The following CACNA1C variants were observed in gnomAD, a reference collection of about 807,000 sequenced individuals.
The protein encoded by CACNA1C is voltage-dependent L-type calcium channel subunit alpha-1C.
In CACNA1C, 30 loss-of-function variants were observed where a neutral mutation model predicts 229.0. That is an observed-to-expected ratio of 0.13 (90% confidence interval 0.10 to 0.18). The LOEUF (loss-of-function observed/expected upper bound fraction) is 0.18, where lower values mean the gene tolerates loss of function less well. CACNA1C is among the 10% of genes least tolerant of loss of function. The pLI is 1.00. For synonymous variants in CACNA1C, 1,114 were observed against 1,132.5 expected (o/e 0.98, Z 0.33); for missense variants, 1,658 against 2,845.0 (o/e 0.58, Z 9.49).
At chr12:2,229,779 C>T (rs986840127) in intron 3 of CACNA1C, among the ~76,000 whole-genome samples, 5 of 152,088 alleles carry the variant, frequency 3.3e-5, no homozygotes, top group Admixed American at 1.3e-4. Context: ...GGCTCAAGGG[C>T]GAGGGAGCGG....
chr12:2,458,912 A>C (rs2099467815), intron 5 of CACNA1C, among the ~76,000 whole-genome samples: 1 of 152,016 alleles, frequency 6.6e-6, no homozygotes, highest in African/African-American at 2.4e-5. Flanking sequence ...CTTTCCTGCC[A>C]TACAGCACTG....
Position 2,246,332 on chromosome 12 carries a change from G to C in CACNA1C, c.477+125902G>C, listed in dbSNP as rs2073203981. Among the ~76,000 whole-genome samples the C allele has an allele frequency of 1.3e-5, 2 of 152,300 alleles. 1 individual carries two copies. The highest frequency in any genetic ancestry group is 6.8e-3 in the Middle Eastern group (2 of 294). The stretch of plus-strand genomic sequence containing the variant: ...CCCAATTCTGTAGATCGGGGGCCGA[G>C]GCTGAATTCTGAGCAGGAAAGTAAT... On this transcript the variant is annotated intron_variant, in intron 3 of 46. Coordinates refer to ENST00000399655, the MANE Select transcript of CACNA1C (RefSeq NM_000719.7).
rs529546365 is a variant in CACNA1C, at chr12:2,354,995, G to A, written c.478-93981G>A. The stretch of plus-strand genomic sequence containing the variant: ...TGCAGGTGTGAGGATGGGTCTGGGT[G>A]TGGGGTGGGGTGGAGGGCTGAAGAA... On this transcript the variant is annotated intron_variant, in intron 3 of 46. Coordinates refer to ENST00000399655, the MANE Select transcript of CACNA1C (RefSeq NM_000719.7). The surrounding 1 kb of genome is among the most constrained non-coding windows in gnomAD (Gnocchi z 4.6). Among the ~76,000 whole-genome samples, 22 of 152,216 alleles carry A rather than the reference G, an allele frequency of 1.4e-4. No homozygotes were observed. Among genetic ancestry groups the A allele is most frequent in the Admixed American group, 2.0e-4 (3 of 15,298 alleles).
intron 3 of CACNA1C, among the ~76,000 whole-genome samples, chr12:2,211,822 G>A (rs1327338925): frequency 1.3e-5 from 2 of 149,810 alleles, no homozygotes; most frequent in Non-Finnish European, 3.0e-5. Flanking sequence ...AGGTTCAAGC[G>A]ATTCTCCTGC....
chr12:2,563,137 C>A (rs1250634529), intron 11 of CACNA1C, among the ~76,000 whole-genome samples: 1 of 152,216 alleles, frequency 6.6e-6, no homozygotes, highest in Non-Finnish European at 1.5e-5. Context: ...TACAATTTGT[C>A]TTTCTGTGCC....
chr12:2,277,960 G>T (rs2089548106), intron 3 of CACNA1C, among the ~76,000 whole-genome samples: 1 of 152,240 alleles, frequency 6.6e-6, no homozygotes, highest in Admixed American at 6.5e-5. Context: ...TGGGTTGCAT[G>T]GCACACCACT....
chr12:2,292,506 G>C (rs910372887), intron 3 of CACNA1C, among the ~76,000 whole-genome samples: 1 of 152,112 alleles, frequency 6.6e-6, no homozygotes, highest in African/African-American at 2.4e-5. Flanking sequence ...TCAGGAATCA[G>C]ACAGCCCACG....
At chr12:2,101,949 A>G (rs188380415) in intron 1 of CACNA1C, among the ~76,000 whole-genome samples, 7 of 152,268 alleles carry the variant, frequency 4.6e-5, no homozygotes, top group Admixed American at 1.3e-4. Flanking sequence ...AGTAATTACT[A>G]TTATGGGGAA....
intron 3 of CACNA1C, among the ~76,000 whole-genome samples, chr12:2,316,119 C>T (rs1006025798): frequency 6.6e-6 from 1 of 152,226 alleles, no homozygotes; most frequent in Non-Finnish European, 1.5e-5. Context: ...GCTGCTGGCT[C>T]CACTAAGAGA....
chr12:2,462,902 A>G (rs1250364098), intron 5 of CACNA1C, among the ~76,000 whole-genome samples: 1 of 150,034 alleles, frequency 6.7e-6, no homozygotes, highest in Non-Finnish European at 1.5e-5. Flanking sequence ...AGAGGCCCCA[A>G]AAGTTGCATT....
chr12:2,116,111 A>G (rs1442558285), intron 2 of CACNA1C, among the ~76,000 whole-genome samples: 1 of 152,188 alleles, frequency 6.6e-6, no homozygotes, highest in East Asian at 1.9e-4. Context: ...AGTCTCCTGG[A>G]AAGTTATAAC....
At position 2,610,672 on chromosome 12, in the gene CACNA1C, G is replaced by A. The variant is rs751391010; in HGVS notation, c.3690G>A (p.Leu1230=). ...YFEYLMFVLI[L]LNTICLAMQH... ...AGTACCTGATGTTCGTCCTCATCCTGCTCAACACCATCTGCCTGGCCATGC... is the reference window on the plus strand; with the variant it reads ...AGTACCTGATGTTCGTCCTCATCCTACTCAACACCATCTGCCTGGCCATGC... Residue 1230 remains leucine, a synonymous_variant, in exon 28 of 47, where the codon CTG becomes CTA. Coordinates refer to ENST00000399655, the MANE Select transcript of CACNA1C (RefSeq NM_000719.7). 1 of 1,614,214 alleles carries A rather than the reference G, an allele frequency of 6.2e-7. No individual in the cohort carries two copies. Among genetic ancestry groups the A allele is most frequent in the East Asian group, 2.2e-5 (1 of 44,886 alleles).
chr12:2,235,151 G>T (rs973022751), intron 3 of CACNA1C, among the ~76,000 whole-genome samples: 1 of 152,158 alleles, frequency 6.6e-6, no homozygotes, highest in Non-Finnish European at 1.5e-5. Context: ...CAGCCCCTTC[G>T]GCCTGCTCCC....
At chr12:2,171,951 G>A (rs1363994364) in intron 3 of CACNA1C, among the ~76,000 whole-genome samples, 3 of 152,204 alleles carry the variant, frequency 2.0e-5, no homozygotes, top group Admixed American at 2.0e-4. Flanking sequence ...GAGGAGGGAA[G>A]ACCAGTATGC....
chr12:2,066,486 G>A (rs1053810185), intron 1 of CACNA1C, among the ~76,000 whole-genome samples: 3 of 152,108 alleles, frequency 2.0e-5, no homozygotes, highest in African/African-American at 4.8e-5. Context: ...GAATGGAGTC[G>A]TGAAAGGGAA....
At chr12:2,435,167 G>A (rs1011269026) in intron 3 of CACNA1C, among the ~76,000 whole-genome samples, 10 of 152,168 alleles carry the variant, frequency 6.6e-5, no homozygotes, top group Admixed American at 5.9e-4. Context: ...CTCATGTGGA[G>A]GTCACCGACC....
chr12:2,122,596 C>G (rs1257745461), intron 3 of CACNA1C, among the ~76,000 whole-genome samples: 1 of 152,212 alleles, frequency 6.6e-6, no homozygotes, highest in Non-Finnish European at 1.5e-5. Context: ...GCCCCCTTTA[C>G]AAAGCACATT....
chr12:2,172,145 A>C (rs912398653), intron 3 of CACNA1C, among the ~76,000 whole-genome samples: 1 of 152,186 alleles, frequency 6.6e-6, no homozygotes, highest in African/African-American at 2.4e-5. Context: ...TAACGACTGC[A>C]GTCTAATCAT....
At chr12:2,242,937 G>T (rs1292572240) in intron 3 of CACNA1C, among the ~76,000 whole-genome samples, 1 of 152,212 alleles carries the variant, frequency 6.6e-6, no homozygotes, top group African/African-American at 2.4e-5. Flanking sequence ...AGAACTGAGG[G>T]TCTGAGAGGT....
Sources: allele counts gnomAD v4.1 joint callset (sites outside exome capture counted in the v4.1 genomes callset), GRCh38; gene constraint gnomAD v4.1.1; non-coding constraint Gnocchi (gnomAD v3.1); transcripts MANE v1.5; gene names NCBI Gene and HGNC (gene_info 2026-07-23, HGNC 2026-07-21).